Variants in TIAM1 observed in about 807,000 individuals in gnomAD.
TIAM1 encodes TIAM Rac1 associated GEF 1, also known as rho guanine nucleotide exchange factor TIAM1.
In TIAM1, 65 loss-of-function variants were observed where a neutral mutation model predicts 163.5. That is an observed-to-expected ratio of 0.40 (90% CI 0.33 to 0.49). TIAM1 has a LOEUF of 0.49. Among genes scored for constraint, TIAM1 ranks in the 20% least tolerant of loss-of-function variants. The pLI, the probability that TIAM1 is intolerant of heterozygous loss-of-function variation, is 0.77. For missense variants in TIAM1, 1,789 were observed against 2,044.7 expected (o/e 0.87, Z 2.41); for synonymous variants, 833 against 810.1 (o/e 1.03, Z -0.48).
chr21:31,235,206 T>C (rs1601650952), intron 6 of TIAM1, among the ~76,000 whole-genome samples: 1 of 152,020 alleles, frequency 6.6e-6, no homozygotes, highest in African/African-American at 2.4e-5. Flanking sequence ...GCTGGAGATT[T>C]AGAAAATATC....
chr21:31,335,475 C>G (rs542157679), intron 2 of TIAM1, among the ~76,000 whole-genome samples: 1 of 152,190 alleles, frequency 6.6e-6, no homozygotes, highest in Admixed American at 6.5e-5. Context: ...GAGGCCAAGG[C>G]AGGTGGATCA....
intron 15 of TIAM1, among the ~76,000 whole-genome samples, chr21:31,168,942 A>G (rs2833321): frequency 0.059 from 8,997 of 152,252 alleles, 939 homozygotes; most frequent in African/African-American, 0.2. Context: ...CCAAGGAATG[A>G]CACCGCAATG....
intron 19 of TIAM1, among the ~76,000 whole-genome samples, chr21:31,148,004 CAAAAAA>C (rs34410316): frequency 3.1e-5 from 2 of 63,790 alleles, no homozygotes; most frequent in Non-Finnish European, 5.6e-5. Context: ...TGTCCATGAC[CAAAAAA>C]AAAAAAAAAA....
intron 1 of TIAM1, among the ~76,000 whole-genome samples, chr21:31,476,457 T>C (rs2045938286): frequency 6.6e-6 from 1 of 152,248 alleles, no homozygotes; most frequent in Non-Finnish European, 1.5e-5. Flanking sequence ...AAGAACGATC[T>C]GGGTTGAGCG....
intron 2 of TIAM1, among the ~76,000 whole-genome samples, chr21:31,374,045 T>C (rs2147160805): frequency 6.6e-6 from 1 of 151,970 alleles, no homozygotes; most frequent in African/African-American, 2.4e-5. Context: ...CCCTCCTTGG[T>C]ATCTGGGTAG....
At chr21:31,543,797 G>C (rs2048397468) in intron 1 of TIAM1, among the ~76,000 whole-genome samples, 1 of 152,186 alleles carries the variant, frequency 6.6e-6, no homozygotes, top group Non-Finnish European at 1.5e-5. Flanking sequence ...GGACCAGTAG[G>C]GCTAGCCATA....
chr21:31,122,646 T>A (rs188388812), intron 27 of TIAM1, among the ~76,000 whole-genome samples: 12 of 152,220 alleles, frequency 7.9e-5, no homozygotes, highest in East Asian at 5.8e-4. Flanking sequence ...AAGAAAAAAA[T>A]TTTTAATTGG....
Position 31,267,003 on chromosome 21 carries a change from A to G in TIAM1, c.-11-20T>C, listed in dbSNP as rs1250463065. ...TATGGTCTGCAGCAAAGCGGGGGGA[A>G]AGGGGAGAATTGAGTCACTATTAGT... On this transcript the variant is annotated intron_variant, in intron 3 of 27. Transcript: ENST00000541036. 3 of 1,571,044 alleles carry G rather than the reference A, an allele frequency of 1.9e-6. No homozygotes were observed. The South Asian group carries it at 3.6e-5, about 19-fold the overall frequency.
chr21:31,224,492 G>A (rs1368576100), intron 7 of TIAM1, among the ~76,000 whole-genome samples: 1 of 152,158 alleles, frequency 6.6e-6, no homozygotes, highest in Non-Finnish European at 1.5e-5. Context: ...AAAAGGCCAC[G>A]TACTGTGCAA....
chr21:31,315,140 G>A (rs1601930363), intron 2 of TIAM1, among the ~76,000 whole-genome samples: 2 of 152,186 alleles, frequency 1.3e-5, no homozygotes, highest in African/African-American at 4.8e-5. Context: ...GAAGGCCATG[G>A]CGGATGGATC....
chr21:31,430,226 ATATATATATATATAT>A (rs1416020248), intron 2 of TIAM1, among the ~76,000 whole-genome samples: 1 of 68,248 alleles, frequency 1.5e-5, no homozygotes, highest in African/African-American at 8.8e-5. Flanking sequence ...AAAAAAAAAA[ATATATATATATATAT>A]ATATATACAC....
chr21:31,533,942 C>T (rs116522165), intron 1 of TIAM1, among the ~76,000 whole-genome samples: 1 of 152,126 alleles, frequency 6.6e-6, no homozygotes, highest in Non-Finnish European at 1.5e-5. Context: ...TACCTAAGCA[C>T]GAGGGATTCG....
intron 10 of TIAM1, 37 bp downstream of exon 10, chr21:31,213,361 G>C: frequency 6.4e-7 from 1 of 1,569,882 alleles, no homozygotes. Context: ...ATGCACTTGT[G>C]GTACTTTTAG....
At chr21:31,497,354 TATAAG>T (rs1316844534) in intron 1 of TIAM1, among the ~76,000 whole-genome samples, 1 of 152,208 alleles carries the variant, frequency 6.6e-6, no homozygotes, top group Non-Finnish European at 1.5e-5. Flanking sequence ...AACAAATAGT[TATAAG>T]AGTAAGGAAG....
At chr21:31,539,059 C>T (rs2048233871) in intron 1 of TIAM1, among the ~76,000 whole-genome samples, 1 of 152,080 alleles carries the variant, frequency 6.6e-6, no homozygotes, top group Admixed American at 6.5e-5. Flanking sequence ...CTAAGTGGTC[C>T]CCAGACTTCC....
intron 2 of TIAM1, among the ~76,000 whole-genome samples, chr21:31,379,527 A>G (rs1202410916): frequency 2.8e-5 from 4 of 145,054 alleles, no homozygotes; most frequent in East Asian, 2.0e-4. Context: ...AGTCCTTAAG[A>G]AAAAAAAAAA....
At chr21:31,401,350 C>T (rs1351418389) in intron 2 of TIAM1, among the ~76,000 whole-genome samples, 1 of 152,192 alleles carries the variant, frequency 6.6e-6, no homozygotes, top group Admixed American at 6.5e-5. Context: ...CCTCATTCTA[C>T]TGTCTAGACC....
At chr21:31,410,728 G>C (rs984582208) in intron 2 of TIAM1, among the ~76,000 whole-genome samples, 10 of 151,920 alleles carry the variant, frequency 6.6e-5, no homozygotes, top group African/African-American at 2.4e-4. Context: ...CAGAGAGAAA[G>C]AAAGGGAGGA....
intron 14 of TIAM1, among the ~76,000 whole-genome samples, chr21:31,185,584 ATATAT>A (rs981994942): frequency 1.4e-4 from 20 of 139,164 alleles, no homozygotes; most frequent in Admixed American, 3.0e-4. Context: ...TATTAATATA[ATATAT>A]TATATATCAT....
Sources: gnomAD v4.1 joint callset for allele counts (sites outside exome capture counted in the v4.1 genomes callset) on GRCh38, gnomAD v4.1.1 for gene constraint, MANE v1.5 for transcripts, NCBI Gene and HGNC (gene_info 2026-07-23, HGNC 2026-07-21) for gene names.